Variants in MAP3K11 observed in about 807,000 individuals in gnomAD.
MAP3K11 encodes the protein mitogen-activated protein kinase kinase kinase 11.
MAP3K11 carries 46 observed loss-of-function variants against 84.9 expected under a neutral mutation model. That is an observed-to-expected ratio of 0.54 (90% CI 0.43 to 0.69). MAP3K11 has a LOEUF of 0.69. Among genes scored for constraint, MAP3K11 ranks in the 30% least tolerant of loss-of-function variants. The pLI is 0.00. For synonymous variants in MAP3K11, 527 were observed against 514.7 expected (o/e 1.02, Z -0.32); for missense variants, 1,053 against 1,198.3 (o/e 0.88, Z 1.79).
At chr11:65,602,529 C>A (rs1854466838) in intron 8 of MAP3K11, among the ~76,000 whole-genome samples, 1 of 151,020 alleles carries the variant, frequency 6.6e-6, no homozygotes, top group Non-Finnish European at 1.5e-5. Context: ...GCCTGTAATC[C>A]CTGCTACTTG....
intron 1 of MAP3K11, chr11:65,611,786 C>T (rs1035460453): frequency 6.6e-6 from 1 of 152,398 alleles, no homozygotes; most frequent in Non-Finnish European, 1.5e-5. Context: ...GGAGTCCCCT[C>T]CCCCTGTGCC....
intron 8 of MAP3K11, among the ~76,000 whole-genome samples, chr11:65,602,958 T>C (rs539667100): frequency 6.6e-5 from 10 of 152,072 alleles, no homozygotes; most frequent in Non-Finnish European, 1.2e-4. Context: ...ATATAAAAAT[T>C]AGCCAAGCAT....
chr11:65,602,039 T>TA (rs1196111978), intron 8 of MAP3K11, among the ~76,000 whole-genome samples: 1 of 149,638 alleles, frequency 6.7e-6, no homozygotes, highest in Non-Finnish European at 1.5e-5. Flanking sequence ...CTGTCTCTAC[T>TA]AAAAAATACA....
At chr11:65,608,821 G>C in intron 1 of MAP3K11, 1 of 195,984 alleles carries the variant, frequency 5.1e-6, no homozygotes, top group Non-Finnish European at 1.1e-5. Context: ...TCTCCATGTT[G>C]GTCAGGCTGG....
Position 65,613,340 on chromosome 11 carries a change from C to T in MAP3K11, c.417G>A (p.Glu139=), listed in dbSNP as rs1358412653. ...GGCGAGCTGCCTTCACAGCCACCAG[C>T]TCACCTCGCCAGCTGCCCCTGTACA... ...GKVYRGSWRG[E]LVAVKAARQD... Residue 139 remains glutamate, a synonymous_variant, in exon 1 of 10, where the codon GAG becomes GAA. Coordinates refer to ENST00000309100, the MANE Select transcript of MAP3K11 (RefSeq NM_002419.4). The T allele has an allele frequency of 1.2e-6, 2 of 1,613,008 alleles. No homozygotes were observed. Among genetic ancestry groups the T allele is most frequent in the Non-Finnish European group, 1.7e-6 (2 of 1,179,968 alleles).
At chr11:65,606,853 A>C (rs759790465) in intron 5 of MAP3K11, 49 bp from the exon 6 acceptor site, 1 of 1,275,548 alleles carries the variant, frequency 7.8e-7, no homozygotes, top group East Asian at 2.5e-5. Flanking sequence ...GATGAAGTAG[A>C]GCCAGGACCC....
intron 2 of MAP3K11, 33 bp from the exon 3 acceptor site, chr11:65,608,103 T>C: frequency 1.2e-6 from 2 of 1,607,278 alleles, no homozygotes; most frequent in Non-Finnish European, 1.7e-6. Context: ...GTGTTCCCTT[T>C]TCTCTCCCAA....
At chr11:65,600,068 C>A (rs1233178550) in intron 8 of MAP3K11, among the ~76,000 whole-genome samples, 1 of 152,218 alleles carries the variant, frequency 6.6e-6, no homozygotes, top group African/African-American at 2.4e-5. Flanking sequence ...GGGGCCAGGT[C>A]ACAGTGGGCC....
chr11:65,602,267 T>G (rs1242449038), intron 8 of MAP3K11, among the ~76,000 whole-genome samples: 2 of 150,454 alleles, frequency 1.3e-5, no homozygotes, highest in Non-Finnish European at 2.9e-5. Context: ...ATCCCAGCAC[T>G]TTGGGAGGCC....
chr11:65,613,827 G>T lies in MAP3K11; in HGVS notation c.-71C>A, dbSNP rs927828464. Reference sequence around the variant, plus strand: ...CCCGTGGTCCCCACCCCCGCTGGCTGCCAAGGCCCTAGTCCCGGAACCTGG... The same window carrying T: ...CCCGTGGTCCCCACCCCCGCTGGCTTCCAAGGCCCTAGTCCCGGAACCTGG... On this transcript the variant is annotated 5_prime_UTR_variant, in exon 1 of 10. Coordinates refer to ENST00000309100, the MANE Select transcript of MAP3K11 (RefSeq NM_002419.4). The T allele has an allele frequency of 3.3e-5, 48 of 1,444,034 alleles. No individual in the cohort carries two copies. Among genetic ancestry groups the T allele is most frequent in the Non-Finnish European group, 4.3e-5 (47 of 1,098,802 alleles). 89.5% of individuals were successfully genotyped at this position (1,444,034 alleles called of 1,614,324 possible). A position where few individuals can be genotyped will look rare whatever the true frequency, so the allele number is the denominator to read the frequency against.
chr11:65,613,936 G>A lies in MAP3K11; in HGVS notation c.-180C>T. ...TGTCTCCCGGCCCCCCGCATCTCGG[G>A]CTTCTGGAGGAGGGCACCCAGGGCA... On this transcript the variant is annotated 5_prime_UTR_variant, in exon 1 of 10. Transcript: ENST00000309100. 1 of 777,936 alleles carries A rather than the reference G, an allele frequency of 1.3e-6. No homozygotes were observed. Among genetic ancestry groups the A allele is most frequent in the Non-Finnish European group, 2.0e-6 (1 of 507,930 alleles). 48.2% of individuals were successfully genotyped at this position (777,936 alleles called of 1,614,324 possible).
chr11:65,605,035 A>G (rs1055402445), intron 8 of MAP3K11, among the ~76,000 whole-genome samples: 1 of 152,172 alleles, frequency 6.6e-6, no homozygotes, highest in Non-Finnish European at 1.5e-5. Flanking sequence ...TTCTGAGCTC[A>G]CTACGAGAGC....
At chr11:65,607,867 G>C (rs1422120436) in intron 3 of MAP3K11, 51 bp from the exon 4 acceptor site, 22 of 1,606,466 alleles carry the variant, frequency 1.4e-5, no homozygotes, top group Non-Finnish European at 1.8e-5. Context: ...TCCGTGGGTG[G>C]ATGTGTCCTG....
Position 65,598,369 on chromosome 11 carries a change from C to G in MAP3K11, c.2466G>C (p.Gln822His). 6.5e-7 allele frequency: 1 copy of G among 1,547,286 alleles called. No individual in the cohort carries two copies. The highest frequency in any genetic ancestry group is 8.7e-7 in the Non-Finnish European group (1 of 1,144,424). ...GTGCCCTGCAGTCCTGGGGGCCCCC[C>G]TGGAAGGGGTTGGCAGGTGGGGAGT... ...FWDSPPANPFQGGPQDCRAQT... is the reference protein window; with the variant it reads ...FWDSPPANPFHGGPQDCRAQT... Residue 822 changes from glutamine (Q) to histidine (H), a missense_variant, in exon 10 of 10, where the codon CAG becomes CAC. Transcript: ENST00000309100.
Position 65,598,208 on chromosome 11 carries a change from C to T in MAP3K11, c.*83G>A. On this transcript the variant is annotated 3_prime_UTR_variant, in exon 10 of 10. Coordinates refer to ENST00000309100, the MANE Select transcript of MAP3K11 (RefSeq NM_002419.4). ...GTCCCTGGGGAAACTGAGGCAGCTG[C>T]AGAGGCTGACCCAGCTCCTGTTCCA... The T allele has an allele frequency of 1.7e-6, 2 of 1,194,140 alleles. No homozygotes were observed. The highest frequency in any genetic ancestry group is 2.2e-6 in the Non-Finnish European group (2 of 918,312). The allele number at this position is 1,194,140 out of a possible 1,614,324, so 74.0% of individuals were successfully genotyped here.
chr11:65,600,926 C>G (rs1451321773), intron 8 of MAP3K11, among the ~76,000 whole-genome samples: 1 of 152,204 alleles, frequency 6.6e-6, no homozygotes, highest in Non-Finnish European at 1.5e-5. Flanking sequence ...CTGTCAGCCC[C>G]AACCCTTACT....
At position 65,599,642 on chromosome 11, in the gene MAP3K11, G is replaced by A. The variant is rs750345450; in HGVS notation, c.1958C>T (p.Ala653Val). ...CAGGTCGCGGCCAAGGCCCAGCGAG[G>A]CGAGCAGGGCGGTGCCGCGCAGCAG... ...RALLRGTALL[A>V]SLGLGRDLQP... Residue 653 changes from alanine to valine, a missense_variant, in exon 9 of 10, where the codon GCC (alanine) becomes GTC (valine). Transcript: ENST00000309100. 6.5e-6 allele frequency: 10 copies of A among 1,536,674 alleles called. No homozygotes were observed. The highest frequency in any genetic ancestry group is 8.7e-6 in the Non-Finnish European group (10 of 1,146,284).
At chr11:65,606,638 A>C (rs1270797078) in intron 6 of MAP3K11, 53 bp downstream of exon 6, 2 of 1,331,618 alleles carry the variant, frequency 1.5e-6, no homozygotes, top group African/African-American at 1.5e-5. Context: ...AAGGTCTGAC[A>C]GAGAATAAGG....
rs757750590 is a variant in MAP3K11, at chr11:65,613,405, G to A, written c.352C>T (p.Arg118Trp). The change falls in exon 1 of 10, where the codon CGG (arginine) becomes TGG (tryptophan). Residue 118 changes from arginine (R) to tryptophan (W), a missense_variant. Physicochemically the swap from Arg to Trp is moderately radical, Grantham distance 101. This residue lies in a region of MAP3K11 where 160 missense variants were observed against 167.3 expected (regional missense o/e 0.96). Coordinates refer to ENST00000309100, the MANE Select transcript of MAP3K11 (RefSeq NM_002419.4). ...CCAATGCCGATCACCTCCTCCAGCCGCAGCTCCTGGAAGCTGGCCACCTCG... is the reference window on the plus strand; with the variant it reads ...CCAATGCCGATCACCTCCTCCAGCCACAGCTCCTGGAAGCTGGCCACCTCG... Reference protein sequence around the residue: ...PCEVASFQELRLEEVIGIGGF... With the variant: ...PCEVASFQELWLEEVIGIGGF... 24 of 1,612,482 alleles carry A rather than the reference G, an allele frequency of 1.5e-5. No homozygotes were observed. The highest frequency in any genetic ancestry group is 1.6e-4 in the Middle Eastern group (1 of 6,082).
Sources: allele counts gnomAD v4.1 joint callset (sites outside exome capture counted in the v4.1 genomes callset), GRCh38; gene constraint gnomAD v4.1.1; regional missense constraint gnomAD v4.1.1; transcripts MANE v1.5; gene names NCBI Gene and HGNC (gene_info 2026-07-23, HGNC 2026-07-21).